MCU: variants seen among roughly 807,000 people sequenced by gnomAD.
The protein encoded by MCU is mitochondrial calcium uniporter, also known as calcium uniporter protein, mitochondrial.
MCU carries 12 observed loss-of-function variants against 45.2 expected under a neutral mutation model. That is an observed-to-expected ratio of 0.27 (90% CI 0.17 to 0.43). The LOEUF (loss-of-function observed/expected upper bound fraction) is 0.43, where lower values mean the gene tolerates loss of function less well. Ranked by LOEUF, MCU falls within the 20% of genes least tolerant of loss-of-function variation. The pLI is 1.00. For synonymous variants in MCU, 160 were observed against 165.1 expected (o/e 0.97, Z 0.24); for missense variants, 324 against 436.7 (o/e 0.74, Z 2.30).
intron 4 of MCU, among the ~76,000 whole-genome samples, chr10:72,861,213 A>G (rs747196195): frequency 6.6e-6 from 1 of 151,860 alleles, no homozygotes; most frequent in African/African-American, 2.4e-5. Context: ...TTTTGTAGAG[A>G]TGAAGTCTCA....
chr10:72,723,195 T>A (rs781598049), intron 1 of MCU, among the ~76,000 whole-genome samples: 1 of 151,706 alleles, frequency 6.6e-6, no homozygotes, highest in Non-Finnish European at 1.5e-5. Context: ...GATTCTGTCT[T>A]AAAAAAAAGA....
intron 1 of MCU, among the ~76,000 whole-genome samples, chr10:72,738,334 A>G (rs1843279462): frequency 6.6e-6 from 1 of 152,206 alleles, no homozygotes; most frequent in African/African-American, 2.4e-5. Flanking sequence ...CAATCATGGT[A>G]TAGCAATAAA....
chr10:72,784,497 G>A (rs1255207675), intron 1 of MCU, among the ~76,000 whole-genome samples: 1 of 152,188 alleles, frequency 6.6e-6, no homozygotes, highest in East Asian at 1.9e-4. Flanking sequence ...TTGCAGGAGA[G>A]GTTAAAGAAT....
intron 1 of MCU, among the ~76,000 whole-genome samples, chr10:72,795,593 G>A (rs1342367665): frequency 6.6e-6 from 1 of 152,174 alleles, no homozygotes; most frequent in Non-Finnish European, 1.5e-5. Flanking sequence ...GGGAAATGGA[G>A]TGTGGGTACA....
chr10:72,869,596 A>G (rs1845508974), intron 5 of MCU, among the ~76,000 whole-genome samples: 1 of 152,224 alleles, frequency 6.6e-6, no homozygotes, highest in Non-Finnish European at 1.5e-5. Flanking sequence ...AAAAACAAAC[A>G]AACAAAAAAA....
At chr10:72,727,167 A>G (rs1470283787) in intron 1 of MCU, among the ~76,000 whole-genome samples, 2 of 152,188 alleles carry the variant, frequency 1.3e-5, no homozygotes, top group African/African-American at 4.8e-5. Context: ...GAAAAGATAA[A>G]TATAGAGCAC....
At chr10:72,699,380 G>T (rs890756875) in intron 1 of MCU, among the ~76,000 whole-genome samples, 3 of 151,890 alleles carry the variant, frequency 2.0e-5, no homozygotes, top group African/African-American at 7.3e-5. Flanking sequence ...GGTGGTGCGC[G>T]CCTGTAATCC....
At chr10:72,856,717 C>T (rs1485899390) in intron 2 of MCU, among the ~76,000 whole-genome samples, 2 of 146,670 alleles carry the variant, frequency 1.4e-5, no homozygotes, top group Non-Finnish European at 3.0e-5. Context: ...GGTCGCTGCT[C>T]AAGCTCAGGA....
At chr10:72,825,534 G>A (rs1044008728) in intron 1 of MCU, among the ~76,000 whole-genome samples, 3 of 152,146 alleles carry the variant, frequency 2.0e-5, no homozygotes, top group African/African-American at 7.2e-5. Flanking sequence ...TGTTTTATCA[G>A]TATTCAAGAA....
intron 6 of MCU, among the ~76,000 whole-genome samples, chr10:72,881,742 A>G (rs1425879275): frequency 2.0e-5 from 3 of 152,232 alleles, no homozygotes; most frequent in Admixed American, 2.0e-4. Context: ...AGATATGCAA[A>G]TGGCCAATAA....
chr10:72,745,331 C>G (rs1843399234), intron 1 of MCU, among the ~76,000 whole-genome samples: 1 of 152,078 alleles, frequency 6.6e-6, no homozygotes, highest in Non-Finnish European at 1.5e-5. Context: ...CAGGTTCAAG[C>G]TATTATCGTG....
At chr10:72,751,054 G>A (rs1156243557) in intron 1 of MCU, among the ~76,000 whole-genome samples, 1 of 152,172 alleles carries the variant, frequency 6.6e-6, no homozygotes, top group Non-Finnish European at 1.5e-5. Flanking sequence ...AGGCTGGAAT[G>A]CAGTGGCATG....
chr10:72,715,899 G>C, intron 1 of MCU: 1 of 985,114 alleles, frequency 1.0e-6, no homozygotes, highest in Non-Finnish European at 1.2e-6. Flanking sequence ...TTGAACATTC[G>C]CAGGTATGTG....
At chr10:72,766,169 T>G (rs1190459856) in intron 1 of MCU, among the ~76,000 whole-genome samples, 2 of 152,190 alleles carry the variant, frequency 1.3e-5, no homozygotes, top group Non-Finnish European at 2.9e-5. Context: ...TGACTGACTG[T>G]TTTTCATTTC....
chr10:72,849,298 G>T (rs972626904), intron 2 of MCU, among the ~76,000 whole-genome samples: 4 of 147,210 alleles, frequency 2.7e-5, no homozygotes, highest in African/African-American at 7.5e-5. Flanking sequence ...AAAAAAAATC[G>T]AATGAAAGCA....
chr10:72,707,648 T>TG (rs1564534353), intron 1 of MCU, among the ~76,000 whole-genome samples: 13 of 107,090 alleles, frequency 1.2e-4, no homozygotes, highest in East Asian at 1.1e-3. Flanking sequence ...TGTGTGTGTG[T>TG]TTCCCACCAA....
chr10:72,701,486 G>A (rs1011875985), intron 1 of MCU, among the ~76,000 whole-genome samples: 1 of 152,042 alleles, frequency 6.6e-6, no homozygotes, highest in Non-Finnish European at 1.5e-5. Flanking sequence ...AGTATCTGCT[G>A]CTGTTTTCCT....
intron 1 of MCU, among the ~76,000 whole-genome samples, chr10:72,755,148 T>TG: frequency 7.1e-6 from 1 of 141,400 alleles, no homozygotes; most frequent in Middle Eastern, 3.6e-3. Flanking sequence ...AACCTGAGAT[T>TG]TTTTTTTTTT....
chr10:72,710,526 C>T (rs1230413080), intron 1 of MCU, among the ~76,000 whole-genome samples: 4 of 148,180 alleles, frequency 2.7e-5, no homozygotes, highest in Non-Finnish European at 5.9e-5. Context: ...CTTGGAAAGG[C>T]CATTCCATCA....
Sources: gnomAD v4.1 joint callset for allele counts (sites outside exome capture counted in the v4.1 genomes callset) on GRCh38, gnomAD v4.1.1 for gene constraint, MANE v1.5 for transcripts, NCBI Gene and HGNC (gene_info 2026-07-23, HGNC 2026-07-21) for gene names.